Variants in ARB2A observed in about 807,000 individuals in gnomAD.
ARB2A encodes cotranscriptional regulator ARB2A.
the ARB2A span, among the ~76,000 whole-genome samples, chr5:93,838,206 C>T: frequency 6.6e-6 from 1 of 152,066 alleles, no homozygotes; most frequent in Admixed American, 6.6e-5. Flanking sequence ...CAATTTCAAT[C>T]TTCTGCATAT....
At chr5:94,057,442 C>T in the ARB2A span, among the ~76,000 whole-genome samples, 1 of 151,956 alleles carries the variant, frequency 6.6e-6, no homozygotes, top group African/African-American at 2.4e-5. Context: ...TTGCAAGGTG[C>T]AGAGTTCAGG....
chr5:93,726,325 ACC>A, the ARB2A span, among the ~76,000 whole-genome samples: 1 of 151,914 alleles, frequency 6.6e-6, no homozygotes, highest in South Asian at 2.1e-4. Context: ...ACCATGCCCT[ACC>A]CCCAACCCCC....
chr5:93,803,755 AAGAATTTTTT>A, the ARB2A span, among the ~76,000 whole-genome samples: 2 of 151,518 alleles, frequency 1.3e-5, no homozygotes, highest in African/African-American at 4.8e-5. Context: ...TTTTGGACAT[AAGAATTTTTT>A]AGACTTAACC....
chr5:94,004,998 C>CAAAAAAAAAAAAAAAAAAAA, the ARB2A span, among the ~76,000 whole-genome samples: 3 of 12,546 alleles, frequency 2.4e-4, no homozygotes, highest in Non-Finnish European at 3.2e-4. Flanking sequence ...ATTTTATCAG[C>CAAAAAAAAAAAAAAAAAAAA]AAAAAAAAAA....
the ARB2A span, chr5:93,958,775 A>G: frequency 6.7e-7 from 1 of 1,493,418 alleles, no homozygotes; most frequent in Non-Finnish European, 8.9e-7. Flanking sequence ...AATTGTACTT[A>G]CAGCCACAGC....
chr5:93,743,626 A>G, the ARB2A span: 1 of 852,382 alleles, frequency 1.2e-6, no homozygotes, highest in Non-Finnish European at 1.4e-6. Flanking sequence ...AGAGAAAGCA[A>G]TATATATGCT....
the ARB2A span, among the ~76,000 whole-genome samples, chr5:93,841,705 C>T: frequency 6.6e-6 from 1 of 152,172 alleles, no homozygotes; most frequent in African/African-American, 2.4e-5. Flanking sequence ...ATCTTAATCA[C>T]TTTATATAAC....
chr5:93,820,916 T>C, the ARB2A span, among the ~76,000 whole-genome samples: 1 of 152,116 alleles, frequency 6.6e-6, no homozygotes, highest in Non-Finnish European at 1.5e-5. Flanking sequence ...ATTTTTAATA[T>C]CATGTTTCTT....
the ARB2A span, among the ~76,000 whole-genome samples, chr5:93,741,842 T>A: frequency 6.6e-6 from 1 of 152,116 alleles, no homozygotes; most frequent in African/African-American, 2.4e-5. Context: ...TGGAGTCCCT[T>A]ACTCACTGCC....
chr5:93,863,140 A>G, the ARB2A span: 1 of 151,990 alleles, frequency 6.6e-6, no homozygotes, highest in Non-Finnish European at 1.5e-5. Flanking sequence ...CAGACAGACC[A>G]TCCATGTTAT....
At chr5:93,775,882 A>T in the ARB2A span, among the ~76,000 whole-genome samples, 4 of 152,174 alleles carry the variant, frequency 2.6e-5, no homozygotes, top group African/African-American at 9.7e-5. Flanking sequence ...AGGTATTCAT[A>T]TATGTATGTC....
At chr5:93,799,301 C>G in the ARB2A span, among the ~76,000 whole-genome samples, 3 of 152,062 alleles carry the variant, frequency 2.0e-5, no homozygotes, top group South Asian at 4.1e-4. Context: ...CTGTAAGTAT[C>G]AAAATATATC....
chr5:94,007,405 G>C, the ARB2A span, among the ~76,000 whole-genome samples: 4 of 152,138 alleles, frequency 2.6e-5, no homozygotes, highest in African/African-American at 9.6e-5. Context: ...CAACTCTCAA[G>C]AACTGTGAAA....
the ARB2A span, among the ~76,000 whole-genome samples, chr5:93,977,640 T>C: frequency 6.6e-6 from 1 of 152,140 alleles, no homozygotes; most frequent in Non-Finnish European, 1.5e-5. Context: ...AAGACTTACA[T>C]GTAAGACCTC....
the ARB2A span, among the ~76,000 whole-genome samples, chr5:93,985,308 A>G: frequency 6.6e-6 from 1 of 151,560 alleles, no homozygotes; most frequent in East Asian, 2.0e-4. Flanking sequence ...TTAATCAATC[A>G]ATTTTTAAGT....
chr5:94,050,746 G>A, the ARB2A span: 46 of 1,604,808 alleles, frequency 2.9e-5, no homozygotes, highest in South Asian at 3.4e-5. Flanking sequence ...CTAGAGCCTC[G>A]TATCTTTTCT....
the ARB2A span, among the ~76,000 whole-genome samples, chr5:93,984,566 C>T: frequency 1.3e-5 from 2 of 152,272 alleles, no homozygotes; most frequent in South Asian, 4.2e-4. Flanking sequence ...ATCTTAACTT[C>T]CCCATTGTCT....
the ARB2A span, among the ~76,000 whole-genome samples, chr5:93,921,036 C>CA: frequency 9.5e-5 from 14 of 147,200 alleles, no homozygotes; most frequent in African/African-American, 3.0e-4. Flanking sequence ...TCCCAAGAAG[C>CA]AAAAAAAAGT....
chr5:93,798,395 T>C, the ARB2A span, among the ~76,000 whole-genome samples: 1 of 152,122 alleles, frequency 6.6e-6, no homozygotes, highest in Non-Finnish European at 1.5e-5. Flanking sequence ...TTCTAGAAGG[T>C]AATTGATGCC....
Sources: allele counts gnomAD v4.1 joint callset (sites outside exome capture counted in the v4.1 genomes callset), GRCh38; gene constraint gnomAD v4.1.1; transcripts MANE v1.5; gene names NCBI Gene and HGNC (gene_info 2026-07-23, HGNC 2026-07-21).